The following TOX2 variants were observed in gnomAD, a reference collection of about 807,000 sequenced individuals.
TOX2 encodes the protein TOX high mobility group box family member 2, also known as granulosa cell HMG box 1.
In TOX2, 15 loss-of-function variants were observed where a neutral mutation model predicts 47.4. The observed-to-expected ratio is 0.32, with a 90% confidence interval of 0.21 to 0.49. TOX2 has a LOEUF of 0.49. Ranked by LOEUF, TOX2 falls within the 20% of genes least tolerant of loss-of-function variation. TOX2 has a pLI of 0.99. For synonymous variants in TOX2, 290 were observed against 296.6 expected (o/e 0.98, Z 0.23); for missense variants, 622 against 673.1 (o/e 0.92, Z 0.84).
intron 1 of TOX2, among the ~76,000 whole-genome samples, chr20:43,931,410 C>T (rs1342492274): frequency 6.6e-6 from 1 of 152,250 alleles, no homozygotes; most frequent in Admixed American, 6.5e-5. Flanking sequence ...GCTGGGACTA[C>T]AGGCATGTGC....
intron 5 of TOX2, among the ~76,000 whole-genome samples, chr20:44,061,831 A>G (rs1160708233): frequency 6.6e-6 from 1 of 152,184 alleles, no homozygotes; most frequent in Non-Finnish European, 1.5e-5. Flanking sequence ...GGTTTAACAT[A>G]CACGAGTCAA....
chr20:44,006,841 G>T, intron 3 of TOX2, 49 bp downstream of exon 3: 1 of 1,579,490 alleles, frequency 6.3e-7, no homozygotes. Context: ...AGCAGGGAGG[G>T]GGTTGAGAGG....
At chr20:43,958,395 T>A (rs1427849805) in intron 1 of TOX2, among the ~76,000 whole-genome samples, 1 of 152,202 alleles carries the variant, frequency 6.6e-6, no homozygotes, top group Admixed American at 6.5e-5. Flanking sequence ...AGACACCCCT[T>A]CTTCCCCTTC....
At position 44,051,356 on chromosome 20, in the gene TOX2, C is replaced by A. The variant is rs774725766; in HGVS notation, c.462C>A (p.Pro154=). The change falls in exon 4 of 9, where the codon CCC becomes CCA. Residue 154 remains proline (P), a synonymous_variant. Transcript: ENST00000341197. ...SEVAAYDSGR[P]GPLLGRPAML... ...TGGCTGCCTATGACTCGGGCCGGCC[C>A]GGGCCCCTGCTGGGTCGCCCGGCAA... The A allele has an allele frequency of 6.2e-7, 1 of 1,613,666 alleles. No individual in the cohort carries two copies. The highest frequency in any genetic ancestry group is 1.7e-5 in the Admixed American group (1 of 60,006).
chr20:44,053,117 TC>T (rs1191220866), intron 4 of TOX2, among the ~76,000 whole-genome samples: 2 of 152,128 alleles, frequency 1.3e-5, no homozygotes, highest in Admixed American at 6.5e-5. Flanking sequence ...TTGACCAAAG[TC>T]CCCTGTTCCT....
chr20:44,051,321 C>T lies in TOX2; in HGVS notation c.427C>T (p.His143Tyr). The change falls in exon 4 of 9, where the codon CAC (histidine) becomes TAC (tyrosine). Residue 143 changes from histidine to tyrosine, a missense_variant. Coordinates refer to ENST00000341197, the MANE Select transcript of TOX2 (RefSeq NM_001098797.2). Reference sequence around the variant, plus strand: ...CCTCTCTTAGATCCAGGAGATGGTCCACTCGGAAGTGGCTGCCTATGACTC... The same window carrying T: ...CCTCTCTTAGATCCAGGAGATGGTCTACTCGGAAGTGGCTGCCTATGACTC... ...GQLPTIQEMV[H>Y]SEVAAYDSGR... 2.5e-6 allele frequency: 4 copies of T among 1,609,058 alleles called. No individual in the cohort carries two copies. The highest frequency in any genetic ancestry group is 3.4e-6 in the Non-Finnish European group (4 of 1,176,460).
chr20:44,006,723 C>T lies in TOX2; in HGVS notation c.342C>T (p.Asp114=). 1.9e-6 allele frequency: 3 copies of T among 1,614,120 alleles called. No homozygotes were observed. Among genetic ancestry groups the T allele is most frequent in the Non-Finnish European group, 1.7e-6 (2 of 1,180,030 alleles). ...LLPAYSYQAM[D]LPAIMVSNML... ...CTGCCTACTCCTATCAGGCCATGGA[C>T]CTCCCAGCCATCATGGTGTCCAACA... is the stretch of plus-strand genomic sequence containing the variant. Residue 114 remains aspartate, a synonymous_variant, in exon 3 of 9, where the codon GAC becomes GAT. Coordinates refer to ENST00000341197, the MANE Select transcript of TOX2 (RefSeq NM_001098797.2).
chr20:43,936,203 T>C (rs1374840082), intron 1 of TOX2, among the ~76,000 whole-genome samples: 1 of 152,172 alleles, frequency 6.6e-6, no homozygotes, highest in African/African-American at 2.4e-5. Context: ...GGCAATGTCA[T>C]AGGCCAGCAG....
chr20:43,992,555 G>A (rs1295375246), intron 2 of TOX2, among the ~76,000 whole-genome samples: 1 of 152,206 alleles, frequency 6.6e-6, no homozygotes, highest in African/African-American at 2.4e-5. Flanking sequence ...ATAGCCTTCA[G>A]ATCGAGCCAG....
At chr20:43,977,359 C>T (rs1027294764) in intron 2 of TOX2, among the ~76,000 whole-genome samples, 1 of 152,194 alleles carries the variant, frequency 6.6e-6, no homozygotes, top group Non-Finnish European at 1.5e-5. Context: ...GATCCGCCCA[C>T]CTCGGCCTCC....
At chr20:43,955,140 C>A in intron 1 of TOX2, 2 of 520,846 alleles carry the variant, frequency 3.8e-6, no homozygotes, top group Non-Finnish European at 4.9e-6. Flanking sequence ...GAATGTGTTC[C>A]ATTGCAGGTG....
At chr20:44,017,806 C>T (rs118080973) in intron 3 of TOX2, among the ~76,000 whole-genome samples, 10 of 152,224 alleles carry the variant, frequency 6.6e-5, no homozygotes, top group Non-Finnish European at 1.2e-4. Flanking sequence ...AATGACTTGG[C>T]TACACAGTTA....
chr20:44,004,368 G>GGGGA (rs2070641001), intron 2 of TOX2, among the ~76,000 whole-genome samples: 1 of 152,206 alleles, frequency 6.6e-6, no homozygotes, highest in Non-Finnish European at 1.5e-5. Context: ...CAGGAAGAGA[G>GGGGA]GGGAGTTCAG....
At chr20:43,989,343 G>A (rs886943330) in intron 2 of TOX2, among the ~76,000 whole-genome samples, 9 of 152,294 alleles carry the variant, frequency 5.9e-5, no homozygotes, top group African/African-American at 1.7e-4. Context: ...GGAGGCAGTC[G>A]GGAGCTGCCT....
At chr20:44,017,306 C>T (rs866266378) in intron 3 of TOX2, among the ~76,000 whole-genome samples, 111 of 152,310 alleles carry the variant, frequency 7.3e-4, no homozygotes, top group African/African-American at 2.3e-3. Flanking sequence ...GAGTAGGGAC[C>T]TAAGCTGTGG....
chr20:44,008,954 G>GACA (rs889385793), intron 3 of TOX2, among the ~76,000 whole-genome samples: 5 of 152,254 alleles, frequency 3.3e-5, no homozygotes, highest in Admixed American at 1.3e-4. Flanking sequence ...AGAGGATGAT[G>GACA]ACAGCATCGC....
chr20:43,949,823 G>T (rs1338515346), intron 1 of TOX2, among the ~76,000 whole-genome samples: 1 of 152,110 alleles, frequency 6.6e-6, no homozygotes. Flanking sequence ...CCCCATCAGT[G>T]CTGTGATGCT....
At chr20:44,009,719 G>T (rs1473836527) in intron 3 of TOX2, among the ~76,000 whole-genome samples, 1 of 152,166 alleles carries the variant, frequency 6.6e-6, no homozygotes, top group Non-Finnish European at 1.5e-5. Context: ...TTGCTTACTG[G>T]GCTCATTTTC....
At chr20:43,980,373 G>C (rs570686263) in intron 2 of TOX2, among the ~76,000 whole-genome samples, 37 of 152,216 alleles carry the variant, frequency 2.4e-4, no homozygotes, top group Non-Finnish European at 4.9e-4. Flanking sequence ...CCAGAGGCTG[G>C]GAAGGGTAGT....
Sources: gnomAD v4.1 joint callset for allele counts (sites outside exome capture counted in the v4.1 genomes callset) on GRCh38, gnomAD v4.1.1 for gene constraint, MANE v1.5 for transcripts, NCBI Gene and HGNC (gene_info 2026-07-23, HGNC 2026-07-21) for gene names.